PTPRD: variants seen among roughly 807,000 people sequenced by gnomAD.
PTPRD encodes receptor-type tyrosine-protein phosphatase delta.
PTPRD carries 34 observed loss-of-function variants against 214.5 expected under a neutral mutation model. The observed-to-expected ratio is 0.16, with a 90% CI of 0.12 to 0.21. PTPRD has a LOEUF of 0.21. Among genes scored for constraint, PTPRD ranks in the 10% least tolerant of loss-of-function variants. The pLI, the probability that PTPRD is intolerant of heterozygous loss-of-function variation, is 1.00. For missense variants in PTPRD, 2,545 were observed against 2,398.7 expected, an observed-to-expected ratio of 1.06 and a Z score of -1.27; for synonymous variants, 1,128 against 845.7, an observed-to-expected ratio of 1.33 and a Z score of -5.79.
chr9:9,937,658 A>G (rs1316766906), intron 5 of PTPRD, among the ~76,000 whole-genome samples: 7 of 152,142 alleles, frequency 4.6e-5, no homozygotes, highest in Admixed American at 3.3e-4. Flanking sequence ...TGTTTCTTGT[A>G]TCTATTTTAT....
At chr9:10,268,686 T>C (rs1210393695) in intron 3 of PTPRD, among the ~76,000 whole-genome samples, 2 of 152,232 alleles carry the variant, frequency 1.3e-5, no homozygotes, top group Non-Finnish European at 2.9e-5. Context: ...TTCCTGTTTT[T>C]AAATCCCCTT....
At chr9:9,506,581 T>C (rs939300046) in intron 8 of PTPRD, among the ~76,000 whole-genome samples, 21 of 151,432 alleles carry the variant, frequency 1.4e-4, no homozygotes, top group Non-Finnish European at 2.4e-4. Context: ...GGCCTAGAGA[T>C]GAATGTATCA....
chr9:9,493,712 C>G (rs1362429935), intron 8 of PTPRD, among the ~76,000 whole-genome samples: 1 of 142,602 alleles, frequency 7.0e-6, no homozygotes, highest in Non-Finnish European at 1.5e-5. Flanking sequence ...GGCGTGAACC[C>G]AGGAGGCAGA....
intron 8 of PTPRD, among the ~76,000 whole-genome samples, chr9:9,402,369 T>C (rs2071001180): frequency 6.6e-6 from 1 of 152,082 alleles, no homozygotes; most frequent in South Asian, 2.1e-4. Flanking sequence ...TAAAAATCTG[T>C]CACAAATGTT....
chr9:9,326,489 T>A (rs528264722), intron 9 of PTPRD, among the ~76,000 whole-genome samples: 1 of 152,164 alleles, frequency 6.6e-6, no homozygotes, highest in African/African-American at 2.4e-5. Context: ...GATTTTTCTA[T>A]GATTGCAAAG....
chr9:10,012,447 T>C (rs183667710), intron 4 of PTPRD, among the ~76,000 whole-genome samples: 3 of 152,042 alleles, frequency 2.0e-5, no homozygotes, highest in Admixed American at 2.0e-4. Flanking sequence ...TTTTTTAAAG[T>C]TTAAGCAATT....
intron 6 of PTPRD, among the ~76,000 whole-genome samples, chr9:9,753,933 TCAAA>T (rs1330921373): frequency 3.9e-5 from 6 of 152,080 alleles, no homozygotes; most frequent in African/African-American, 1.2e-4. Context: ...TCGGATTTCC[TCAAA>T]TAGACTCAGA....
intron 4 of PTPRD, among the ~76,000 whole-genome samples, chr9:9,949,563 C>G (rs538264884): frequency 6.6e-6 from 1 of 152,114 alleles, no homozygotes; most frequent in African/African-American, 2.4e-5. Flanking sequence ...TACTCACATA[C>G]CAAAGGGAAA....
At chr9:9,150,460 TTA>T in intron 10 of PTPRD, among the ~76,000 whole-genome samples, 1 of 130,566 alleles carries the variant, frequency 7.7e-6, no homozygotes, top group East Asian at 2.2e-4. Context: ...ATGTAACATA[TTA>T]TATATATAAT....
At chr9:10,039,085 A>AC (rs1293063838) in intron 3 of PTPRD, among the ~76,000 whole-genome samples, 1 of 152,100 alleles carries the variant, frequency 6.6e-6, no homozygotes, top group African/African-American at 2.4e-5. Flanking sequence ...ACAGGCATGT[A>AC]CGTAGGTTTG....
At chr9:9,861,831 T>C (rs780243444) in intron 5 of PTPRD, among the ~76,000 whole-genome samples, 2 of 152,202 alleles carry the variant, frequency 1.3e-5, no homozygotes, top group Non-Finnish European at 2.9e-5. Context: ...TAATTACATC[T>C]ATGTTTATAT....
At chr9:10,564,578 T>C (rs1051790353) in intron 2 of PTPRD, among the ~76,000 whole-genome samples, 1 of 152,204 alleles carries the variant, frequency 6.6e-6, no homozygotes, top group Non-Finnish European at 1.5e-5. Context: ...TTTAGAGCAT[T>C]TCTAGCCTCA....
At chr9:9,397,877 C>T (rs1379775404) in intron 8 of PTPRD, among the ~76,000 whole-genome samples, 1 of 151,996 alleles carries the variant, frequency 6.6e-6, no homozygotes, top group Non-Finnish European at 1.5e-5. Context: ...GTGCCATATA[C>T]ACCACCTTCC....
intron 8 of PTPRD, among the ~76,000 whole-genome samples, chr9:9,557,734 A>C (rs2081892031): frequency 6.6e-6 from 1 of 152,110 alleles, no homozygotes; most frequent in Admixed American, 6.5e-5. Flanking sequence ...CAGTTAGAAA[A>C]GCTTTGAATC....
intron 2 of PTPRD, among the ~76,000 whole-genome samples, chr9:10,463,586 A>G (rs142547663): frequency 7.2e-5 from 11 of 152,288 alleles, no homozygotes; most frequent in African/African-American, 2.6e-4. Context: ...TACAATTGTT[A>G]AGGAAATAGT....
chr9:8,472,597 A>T (rs1192373210), intron 30 of PTPRD, among the ~76,000 whole-genome samples: 1 of 152,234 alleles, frequency 6.6e-6, no homozygotes, highest in Non-Finnish European at 1.5e-5. Context: ...CTGTAAATGT[A>T]AAAGACATAT....
intron 14 of PTPRD, among the ~76,000 whole-genome samples, chr9:8,548,252 G>A (rs1381859780): frequency 6.6e-6 from 1 of 152,204 alleles, no homozygotes; most frequent in Non-Finnish European, 1.5e-5. Flanking sequence ...ACAGGGGTAG[G>A]AAGACAGTGT....
At chr9:9,948,311 C>T (rs1209464363) in intron 4 of PTPRD, among the ~76,000 whole-genome samples, 1 of 152,030 alleles carries the variant, frequency 6.6e-6, no homozygotes, top group Non-Finnish European at 1.5e-5. Context: ...ATGTGACTAT[C>T]TTCCCTCAAT....
intron 11 of PTPRD, among the ~76,000 whole-genome samples, chr9:8,833,715 T>TATACAC (rs1241369022): frequency 3.0e-5 from 4 of 133,716 alleles, no homozygotes; most frequent in African/African-American, 8.5e-5. Context: ...TATATATATA[T>TATACAC]ACACACACAC....
Sources: allele counts gnomAD v4.1 joint callset (sites outside exome capture counted in the v4.1 genomes callset), GRCh38; gene constraint gnomAD v4.1.1; transcripts MANE v1.5; gene names NCBI Gene and HGNC (gene_info 2026-07-23, HGNC 2026-07-21).